GADL1: variants seen among roughly 807,000 people sequenced by gnomAD.
GADL1 encodes GAD like acidic amino acid decarboxylase 1.
GADL1 carries 71 observed loss-of-function variants against 69.5 expected under a neutral mutation model. The ratio of observed to expected loss-of-function variants is 1.02; its 90% CI spans 0.84 to 1.25. GADL1 has a LOEUF of 1.25. Among genes scored for constraint, GADL1 ranks in the 50% most tolerant of loss-of-function variants. GADL1 has a pLI of 0.00. For missense variants in GADL1, 737 were observed against 631.8 expected, an observed-to-expected ratio of 1.17 and a Z score of -1.79; for synonymous variants, 254 against 214.4, an observed-to-expected ratio of 1.18 and a Z score of -1.62.
intron 14 of GADL1, among the ~76,000 whole-genome samples, chr3:30,764,802 C>T (rs938634192): frequency 6.6e-6 from 1 of 152,188 alleles, no homozygotes; most frequent in Non-Finnish European, 1.5e-5. Context: ...TACTGACAAT[C>T]TCCATTCGGA....
chr3:30,823,753 G>A (rs1057076458), intron 11 of GADL1, among the ~76,000 whole-genome samples: 3 of 151,924 alleles, frequency 2.0e-5, no homozygotes, highest in African/African-American at 4.8e-5. Flanking sequence ...CAGTGTTCAA[G>A]TATATAAAAG....
intron 9 of GADL1, among the ~76,000 whole-genome samples, chr3:30,836,311 C>A (rs1296046191): frequency 6.6e-6 from 1 of 151,710 alleles, no homozygotes; most frequent in East Asian, 2.0e-4. Context: ...GTTTTGAAAT[C>A]ACAGGAACCC....
At chr3:30,798,591 A>T (rs538328022) in intron 12 of GADL1, 1 of 151,958 alleles carries the variant, frequency 6.6e-6, no homozygotes, top group African/African-American at 2.4e-5. Flanking sequence ...GAGCCAAACT[A>T]TGTCATTCTG....
chr3:30,831,313 A>AT (rs1026140282), intron 11 of GADL1, among the ~76,000 whole-genome samples: 1 of 151,786 alleles, frequency 6.6e-6, no homozygotes, highest in Non-Finnish European at 1.5e-5. Flanking sequence ...TTCTAAAATA[A>AT]TTTTTTTTAA....
At chr3:30,770,001 G>A (rs1310744262) in intron 14 of GADL1, among the ~76,000 whole-genome samples, 2 of 56,518 alleles carry the variant, frequency 3.5e-5, no homozygotes, top group Non-Finnish European at 6.3e-5. Context: ...AAGGGTTCAC[G>A]TAATCATCTG....
intron 14 of GADL1, among the ~76,000 whole-genome samples, chr3:30,777,225 A>G (rs534584490): frequency 4.3e-4 from 66 of 152,114 alleles, no homozygotes; most frequent in African/African-American, 1.5e-3. Flanking sequence ...AGGGGAAAAT[A>G]GGCTATGGAC....
intron 6 of GADL1, among the ~76,000 whole-genome samples, chr3:30,849,278 A>T (rs970121788): frequency 1.3e-5 from 2 of 152,204 alleles, no homozygotes; most frequent in Non-Finnish European, 2.9e-5. Context: ...CTTATAAGTG[A>T]TAATATACAG....
rs148326732 is a variant in GADL1, at chr3:30,829,141, C to A, written c.1050+4712G>T. ...CTGTCTTTGATCCAAAACAGCCACGCAAATCCCGCATTTACCTCTGAAGTC... is the reference window on the plus strand; with the variant it reads ...CTGTCTTTGATCCAAAACAGCCACGAAAATCCCGCATTTACCTCTGAAGTC... On this transcript the variant is annotated intron_variant, in intron 11 of 14. Transcript: ENST00000282538. Among the ~76,000 whole-genome samples the A allele has an allele frequency of 2.0e-3, 293 of 147,184 alleles. 1 individual carries two copies. Among genetic ancestry groups the A allele is most frequent in the African/African-American group, 7.2e-3 (290 of 40,018 alleles).
chr3:30,726,874 A>G lies in GADL1; in HGVS notation c.*1368T>C, dbSNP rs1007101540. On this transcript the variant is annotated 3_prime_UTR_variant, in exon 15 of 15. Transcript: ENST00000282538. ...AGAATTAAAATCACCCACTCTCAGG[A>G]GAAATGGAGGAAGCATTTACACTGA... is the stretch of plus-strand genomic sequence containing the variant. 1.3e-5 allele frequency: 2 copies of G among 152,522 alleles called. No homozygotes were observed. Among genetic ancestry groups the G allele is most frequent in the African/African-American group, 4.8e-5 (2 of 41,428 alleles). 9.4% of individuals were successfully genotyped at this position (152,522 alleles called of 1,614,324 possible). A position where few individuals can be genotyped will look rare whatever the true frequency, so the allele number is the denominator to read the frequency against.
chr3:30,805,303 G>A (rs1040943369), intron 11 of GADL1, among the ~76,000 whole-genome samples: 1 of 152,150 alleles, frequency 6.6e-6, no homozygotes, highest in East Asian at 1.9e-4. Context: ...GGGCCTGAAC[G>A]CTAACCTATT....
chr3:30,881,741 A>C (rs900841140), intron 1 of GADL1, among the ~76,000 whole-genome samples: 1 of 151,980 alleles, frequency 6.6e-6, no homozygotes, highest in African/African-American at 2.4e-5. Flanking sequence ...TATGGTTTGA[A>C]TGCTTGTCTC....
chr3:30,870,375 A>G lies in GADL1; in HGVS notation c.38-8610T>C, dbSNP rs35034331. Among the ~76,000 whole-genome samples the G allele has an allele frequency of 1.6e-3, 242 of 151,954 alleles. 1 individual carries two copies. Among genetic ancestry groups the G allele is most frequent in the Middle Eastern group, 3.4e-3 (1 of 294 alleles). On this transcript the variant is annotated intron_variant, in intron 1 of 14. Transcript: ENST00000282538. Reference sequence around the variant, plus strand: ...CCAGGAAGAAGGAACAGAAAATGCAAGCAATCAATAAGCTGGCTTCTTTAA... The same window carrying G: ...CCAGGAAGAAGGAACAGAAAATGCAGGCAATCAATAAGCTGGCTTCTTTAA...
intron 6 of GADL1, 108 bp from the exon 7 acceptor site, chr3:30,844,574 G>T: frequency 1.3e-6 from 1 of 755,768 alleles, no homozygotes; most frequent in Non-Finnish European, 2.3e-6. Context: ...ACAATCTTTG[G>T]GACATTATTG....
intron 12 of GADL1, among the ~76,000 whole-genome samples, chr3:30,788,967 T>C (rs1004293976): frequency 1.3e-5 from 2 of 152,160 alleles, no homozygotes; most frequent in South Asian, 2.1e-4. Flanking sequence ...AAGTCAACCA[T>C]GAGAGTTGGA....
intron 1 of GADL1, among the ~76,000 whole-genome samples, chr3:30,880,960 A>C (rs1698633538): frequency 6.6e-6 from 1 of 151,950 alleles, no homozygotes; most frequent in African/African-American, 2.4e-5. Flanking sequence ...ATGGACTCTT[A>C]CTGGTGTTGC....
Position 30,863,027 on chromosome 3 carries a change from TCACACA to T in GADL1, c.38-1268_38-1263del, listed in dbSNP as rs397875196. Among the ~76,000 whole-genome samples, 38 of 110,216 alleles carry T rather than the reference TCACACA, an allele frequency of 3.4e-4. 1 individual carries two copies. The highest frequency in any genetic ancestry group is 7.6e-4 in the African/African-American group (28 of 36,946). The allele number at this position is 110,216 out of a possible 152,430, so 72.3% of individuals were successfully genotyped here. A position where few individuals can be genotyped will look rare whatever the true frequency, so the allele number is the denominator to read the frequency against. On this transcript the variant is annotated intron_variant, in intron 1 of 14. Transcript: ENST00000282538. Reference sequence around the variant, plus strand: ...TCGTAAACATAAGCCCATGTCTGTTTCACACACACACACACACACACACACACTCTC... The same window carrying T: ...TCGTAAACATAAGCCCATGTCTGTTTCACACACACACACACACACACTCTC...
chr3:30,774,336 CA>C (rs1382743940), intron 14 of GADL1, among the ~76,000 whole-genome samples: 3 of 152,174 alleles, frequency 2.0e-5, no homozygotes, highest in Non-Finnish European at 4.4e-5. Flanking sequence ...TATAATTATT[CA>C]AGCGCAGAAC....
At chr3:30,790,884 A>G (rs147778232) in intron 12 of GADL1, among the ~76,000 whole-genome samples, 102 of 152,304 alleles carry the variant, frequency 6.7e-4, no homozygotes, top group African/African-American at 2.3e-3. Context: ...TGTAATATGC[A>G]GCTATTAAAA....
At chr3:30,850,234 AG>A (rs1442705234) in intron 5 of GADL1, 123 bp from the exon 6 acceptor site, 2 of 666,188 alleles carry the variant, frequency 3.0e-6, no homozygotes, top group Non-Finnish European at 5.3e-6. Context: ...CACCGTGAAA[AG>A]CACATGAACA....
Sources: allele counts gnomAD v4.1 joint callset (sites outside exome capture counted in the v4.1 genomes callset), GRCh38; gene constraint gnomAD v4.1.1; transcripts MANE v1.5; gene names NCBI Gene and HGNC (gene_info 2026-07-23, HGNC 2026-07-21).